Variants in PPFIBP1 observed in about 807,000 individuals in gnomAD.
The protein encoded by PPFIBP1 is liprin-beta-1.
In PPFIBP1, 112 loss-of-function variants were observed where a neutral mutation model predicts 137.8. That is an observed-to-expected ratio of 0.81 (90% CI 0.70 to 0.95). The LOEUF is 0.95. PPFIBP1 is among the 40% of genes least tolerant of loss of function. PPFIBP1 has a pLI of 0.00. For synonymous variants in PPFIBP1, 378 were observed against 417.3 expected, an observed-to-expected ratio of 0.91 and a Z score of 1.15; for missense variants, 1,083 against 1,196.6, an observed-to-expected ratio of 0.91 and a Z score of 1.40.
chr12:27,541,034 C>A (rs1945593327), intron 1 of PPFIBP1, among the ~76,000 whole-genome samples: 1 of 152,088 alleles, frequency 6.6e-6, no homozygotes, highest in African/African-American at 2.4e-5. Flanking sequence ...GCAGGCTAAT[C>A]TATTGATTGT....
chr12:27,634,503 C>T (rs1404741833), intron 3 of PPFIBP1, among the ~76,000 whole-genome samples: 1 of 152,196 alleles, frequency 6.6e-6, no homozygotes, highest in Non-Finnish European at 1.5e-5. Context: ...GGGTTCATTT[C>T]ATAACCCTTC....
intron 4 of PPFIBP1, among the ~76,000 whole-genome samples, chr12:27,644,966 G>A (rs1200054749): frequency 1.3e-5 from 2 of 150,010 alleles, no homozygotes; most frequent in Non-Finnish European, 3.0e-5. Flanking sequence ...TCCAAGAATT[G>A]ATACTAGAAA....
chr12:27,593,802 G>T (rs2052835545), intron 2 of PPFIBP1: 1 of 1,098,882 alleles, frequency 9.1e-7, no homozygotes, highest in African/African-American at 1.6e-5. Flanking sequence ...AAACTGTCTG[G>T]TTCGTCCTGA....
intron 2 of PPFIBP1, among the ~76,000 whole-genome samples, chr12:27,582,891 C>T (rs2051287767): frequency 6.6e-6 from 1 of 152,208 alleles, no homozygotes; most frequent in South Asian, 2.1e-4. Context: ...TAATTGTCTT[C>T]TGTGTTCTTA....
chr12:27,613,646 T>C (rs3887195), intron 2 of PPFIBP1, among the ~76,000 whole-genome samples: 106,743 of 150,118 alleles, frequency 0.71, 38,889 homozygotes, highest in South Asian at 0.82. Flanking sequence ...GAGGTTGCCA[T>C]GAGCCCAGAT....
intron 2 of PPFIBP1, among the ~76,000 whole-genome samples, chr12:27,629,300 G>T (rs1438986558): frequency 6.6e-6 from 1 of 152,166 alleles, no homozygotes; most frequent in Non-Finnish European, 1.5e-5. Context: ...TGCCTGACAA[G>T]CTTTAAAGAC....
At chr12:27,624,743 T>TG (rs1388433726) in intron 2 of PPFIBP1, among the ~76,000 whole-genome samples, 3 of 152,184 alleles carry the variant, frequency 2.0e-5, no homozygotes, top group East Asian at 3.8e-4. Flanking sequence ...ATTTCCTGAA[T>TG]AGCGTGTGCA....
intron 1 of PPFIBP1, chr12:27,552,443 G>T (rs1946870992): frequency 6.6e-6 from 1 of 152,278 alleles, no homozygotes; most frequent in Non-Finnish European, 1.5e-5. Context: ...GGATCAAAAG[G>T]CAACTGTTTT....
At chr12:27,687,875 G>A (rs536624312) in intron 25 of PPFIBP1, among the ~76,000 whole-genome samples, 2 of 152,188 alleles carry the variant, frequency 1.3e-5, no homozygotes, top group East Asian at 3.9e-4. Context: ...TTGAGCCCAG[G>A]AGATCAAGAC....
chr12:27,653,416 G>A (rs1194207708), intron 7 of PPFIBP1, among the ~76,000 whole-genome samples: 9 of 151,882 alleles, frequency 5.9e-5, no homozygotes, highest in Middle Eastern at 3.4e-3. Flanking sequence ...TAAAACCCCC[G>A]TCTCTACTAA....
intron 2 of PPFIBP1, among the ~76,000 whole-genome samples, chr12:27,615,896 C>T (rs73080248): frequency 0.01 from 1,523 of 152,208 alleles, 32 homozygotes; most frequent in African/African-American, 0.035. Context: ...CCCAGGATAA[C>T]TCAGATATCA....
At chr12:27,580,890 A>G (rs1332220165) in intron 2 of PPFIBP1, among the ~76,000 whole-genome samples, 2 of 150,266 alleles carry the variant, frequency 1.3e-5, no homozygotes, top group Non-Finnish European at 3.0e-5. Flanking sequence ...GGAAATTTGT[A>G]CTTTTATACA....
chr12:27,601,126 C>T lies in PPFIBP1; in HGVS notation c.-36+22887C>T, dbSNP rs1481637572. Among the ~76,000 whole-genome samples, 4 of 152,134 alleles carry T rather than the reference C, an allele frequency of 2.6e-5. No homozygotes were observed. The East Asian group carries it at 7.7e-4, about 29-fold the overall frequency. On this transcript the variant is annotated intron_variant, in intron 2 of 29. Transcript: ENST00000228425. ...CAAACATCTTCCCTTTCCCTCTTTA[C>T]TCCCCAAAATGGTAAATTTTATATG...
intron 1 of PPFIBP1, among the ~76,000 whole-genome samples, chr12:27,529,871 A>T (rs1035980450): frequency 6.6e-5 from 10 of 152,198 alleles, no homozygotes; most frequent in African/African-American, 9.7e-5. Context: ...GTACCATATC[A>T]CTAAATGTAC....
intron 2 of PPFIBP1, among the ~76,000 whole-genome samples, chr12:27,609,683 G>A (rs2054883109): frequency 6.6e-6 from 1 of 151,962 alleles, no homozygotes; most frequent in Admixed American, 6.6e-5. Context: ...TCTCAAAATG[G>A]TCCCATGGGC....
chr12:27,661,008 G>A (rs2059510793), intron 11 of PPFIBP1, 63 bp downstream of exon 11: 2 of 1,589,244 alleles, frequency 1.3e-6, no homozygotes, highest in Non-Finnish European at 8.6e-7. Flanking sequence ...ACCATTCCAT[G>A]CAATTTCATG....
intron 2 of PPFIBP1, among the ~76,000 whole-genome samples, chr12:27,628,184 A>AT (rs1373617494): frequency 4.0e-5 from 6 of 151,884 alleles, no homozygotes; most frequent in Admixed American, 3.3e-4. Context: ...GTTCTTTAGG[A>AT]TTTTTTTTCT....
At chr12:27,590,151 C>G (rs73078298) in intron 2 of PPFIBP1, among the ~76,000 whole-genome samples, 39,353 of 152,032 alleles carry the variant, frequency 0.26, 5,277 homozygotes, top group Middle Eastern at 0.32. Context: ...AGATTACTTT[C>G]TACTAAATGC....
chr12:27,556,540 C>A (rs1392838714), intron 1 of PPFIBP1, among the ~76,000 whole-genome samples: 1 of 152,172 alleles, frequency 6.6e-6, no homozygotes, highest in Admixed American at 6.5e-5. Flanking sequence ...ATTAGGAATT[C>A]ATGATGGAGT....
Sources: allele counts gnomAD v4.1 joint callset (sites outside exome capture counted in the v4.1 genomes callset), GRCh38; gene constraint gnomAD v4.1.1; transcripts MANE v1.5; gene names NCBI Gene and HGNC (gene_info 2026-07-23, HGNC 2026-07-21).